The following ZNF140 variants were observed in gnomAD, a reference collection of about 807,000 sequenced individuals.
The protein encoded by ZNF140 is zinc finger protein 140 (clone pHZ-39).
Under a neutral mutation model 12.9 loss-of-function variants are expected in ZNF140, and 13 were observed. The ratio of observed to expected loss-of-function variants is 1.01; its 90% confidence interval spans 0.66 to 1.60. ZNF140 has a LOEUF of 1.60. Among genes scored for constraint, ZNF140 ranks in the 40% most tolerant of loss-of-function variants. The pLI is 0.00. For missense variants in ZNF140, 531 were observed against 548.8 expected (o/e 0.97, Z 0.32); for synonymous variants, 214 against 186.7 (o/e 1.15, Z -1.19).
intron 4 of ZNF140, among the ~76,000 whole-genome samples, chr12:133,094,508 G>A (rs1317095279): frequency 6.6e-6 from 1 of 151,126 alleles, no homozygotes; most frequent in Admixed American, 6.6e-5. Flanking sequence ...CAGTTAGCAT[G>A]CACCATCTGC....
At chr12:133,102,736 G>A (rs1014100709) in intron 4 of ZNF140, among the ~76,000 whole-genome samples, 9 of 145,580 alleles carry the variant, frequency 6.2e-5, no homozygotes, top group Admixed American at 2.1e-4. Context: ...GTGACAGAGC[G>A]AGACTCCGTT....
In ZNF140 at chr12:133,106,828, G is replaced by A. The variant is rs896082328; in HGVS notation, c.*177G>A. On this transcript the variant is annotated 3_prime_UTR_variant, in exon 5 of 5. Transcript: ENST00000355557. ...AAAAAACCCAGGAATATGTGGAAAA[G>A]CCATTAATAACCACTCTTTTATTTT... The A allele has an allele frequency of 4.6e-5, 23 of 495,794 alleles. No homozygotes were observed. In the Admixed American group the frequency reaches 8.8e-4, roughly 19 times the overall value. 30.7% of individuals were successfully genotyped at this position (495,794 alleles called of 1,614,324 possible).
At chr12:133,096,094 C>G (rs1383069513) in intron 4 of ZNF140, among the ~76,000 whole-genome samples, 1 of 151,444 alleles carries the variant, frequency 6.6e-6, no homozygotes, top group Non-Finnish European at 1.5e-5. Context: ...TCCCACGAGG[C>G]CATATTTCAG....
chr12:133,088,889 C>T (rs1212624777), intron 4 of ZNF140, among the ~76,000 whole-genome samples: 2 of 152,122 alleles, frequency 1.3e-5, no homozygotes, highest in African/African-American at 4.8e-5. Flanking sequence ...GTTGAACCAG[C>T]CCTGTATACC....
intron 4 of ZNF140, among the ~76,000 whole-genome samples, chr12:133,100,175 T>TG (rs1404470300): frequency 7.2e-5 from 10 of 138,724 alleles, no homozygotes; most frequent in Non-Finnish European, 1.1e-4. Context: ...TTTTTTTTTT[T>TG]TTTTTTTTTT....
At position 133,081,348 on chromosome 12, in the gene ZNF140, AATATAT is replaced by A. The variant is rs368640870; in HGVS notation, c.9+37_9+42del. 122 of 318,812 alleles carry A rather than the reference AATATAT, an allele frequency of 3.8e-4. 9 individuals carry two copies. The highest frequency in any genetic ancestry group is 1.1e-3 in the Middle Eastern group (1 of 888). 19.7% of individuals were successfully genotyped at this position (318,812 alleles called of 1,614,324 possible). ...GTCTCAGGTAAGCTAATGATTGATAAATATATATATATATATATATATAAATTTTTA... is the reference window on the plus strand; with the variant it reads ...GTCTCAGGTAAGCTAATGATTGATAAATATATATATATATATAAATTTTTA... On this transcript the variant is annotated intron_variant, in intron 2 of 4. Transcript: ENST00000355557.
chr12:133,093,574 T>C lies in ZNF140; in HGVS notation c.232+10013T>C, dbSNP rs1954968695. ...CAAGCAAAATCTCTCCCCCATGTTATCACCTTCCCTATTTCCCATGTTTTA... is the reference window on the plus strand; with the variant it reads ...CAAGCAAAATCTCTCCCCCATGTTACCACCTTCCCTATTTCCCATGTTTTA... On this transcript the variant is annotated intron_variant, in intron 4 of 4. Transcript: ENST00000355557. 20 of 666,266 alleles carry C rather than the reference T, an allele frequency of 3.0e-5. 3 individuals carry two copies. Among genetic ancestry groups the C allele is most frequent in the Non-Finnish European group, 4.9e-5 (18 of 365,878 alleles). 41.3% of individuals were successfully genotyped at this position (666,266 alleles called of 1,614,324 possible). A position where few individuals can be genotyped will look rare whatever the true frequency, so the allele number is the denominator to read the frequency against.
In ZNF140 at chr12:133,083,554, G is replaced by C. The variant is rs1593740695; in HGVS notation, c.225G>C (p.Leu75=). 1 of 1,613,334 alleles carries C rather than the reference G, an allele frequency of 6.2e-7. No individual in the cohort carries two copies. The highest frequency in any genetic ancestry group is 8.5e-7 in the Non-Finnish European group (1 of 1,179,800). The change falls in exon 4 of 5, where the codon CTG becomes CTC. Residue 75 remains leucine (L), a synonymous_variant. Transcript: ENST00000355557. ...WLGKREVKRD[L]FSVSESSGEI... is the part of the protein sequence containing the mutation. Reference sequence around the variant, plus strand: ...GGAAAAGGGAAGTGAAAAGAGATCTGTTTTCAGGTGAGTGAGTTGGAAGCT... The same window carrying C: ...GGAAAAGGGAAGTGAAAAGAGATCTCTTTTCAGGTGAGTGAGTTGGAAGCT...
intron 4 of ZNF140, among the ~76,000 whole-genome samples, chr12:133,092,215 A>C (rs1954916070): frequency 1.3e-5 from 2 of 151,138 alleles, no homozygotes; most frequent in African/African-American, 2.5e-5. Context: ...TTTTAGATTT[A>C]GTTAGAACTC....
Position 133,106,072 on chromosome 12 carries a change from A to C in ZNF140, c.795A>C (p.Arg265Ser), listed in dbSNP as rs867126796. Reference protein sequence around the residue: ...SRASNLTRHQRIHIGKKQYIC... With the variant: ...SRASNLTRHQSIHIGKKQYIC... ...CCTCCAACCTCACTCGACATCAAAG[A>C]ATTCACATAGGAAAGAAACAATATA... The change falls in exon 5 of 5, where the codon AGA becomes AGC. Residue 265 changes from arginine to serine, a missense_variant. By Grantham distance (110) the Arg-to-Ser change is moderately radical. Transcript: ENST00000355557. The C allele has an allele frequency of 6.2e-7, 1 of 1,614,034 alleles. No homozygotes were observed. The highest frequency in any genetic ancestry group is 1.3e-5 in the African/African-American group (1 of 74,926).
At chr12:133,085,480 C>A (rs1410064710) in intron 4 of ZNF140, among the ~76,000 whole-genome samples, 1 of 152,134 alleles carries the variant, frequency 6.6e-6, no homozygotes, top group Non-Finnish European at 1.5e-5. Context: ...CAAACAGTCA[C>A]GTGACCAAGG....
chr12:133,083,244 T>A lies in ZNF140; in HGVS notation c.136+15T>A. ...GGTCTCACTGGGTAAGTATTCTTCT[T>A]CATCTCCCTCAAGGCAAAATTTGAC... On this transcript the variant is annotated intron_variant, in intron 3 of 4. Transcript: ENST00000355557. The A allele has an allele frequency of 6.2e-7, 1 of 1,602,288 alleles. No homozygotes were observed.
chr12:133,097,940 A>C (rs1156399627), intron 4 of ZNF140, among the ~76,000 whole-genome samples: 1 of 151,466 alleles, frequency 6.6e-6, no homozygotes, highest in Non-Finnish European at 1.5e-5. Flanking sequence ...GGGTTCAAGC[A>C]ATTCTGCCTC....
At chr12:133,083,258 GCAAAATTTGA>G in intron 3 of ZNF140, 29 bp downstream of exon 3, 1 of 1,597,912 alleles carries the variant, frequency 6.3e-7, no homozygotes, top group South Asian at 1.1e-5. Flanking sequence ...CTCCCTCAAG[GCAAAATTTGA>G]CCGTTAGGGT....
intron 4 of ZNF140, among the ~76,000 whole-genome samples, chr12:133,092,742 A>G (rs1954936088): frequency 6.6e-6 from 1 of 151,254 alleles, no homozygotes; most frequent in Non-Finnish European, 1.5e-5. Context: ...TTAGTGGGCC[A>G]GAGAGATGGA....
In ZNF140 at chr12:133,106,811, C is replaced by G. The variant is rs1001776451; in HGVS notation, c.*160C>G. Reference sequence around the variant, plus strand: ...TCACCACCCTGGAGAAAAAAAAACCCAGGAATATGTGGAAAAGCCATTAAT... The same window carrying G: ...TCACCACCCTGGAGAAAAAAAAACCGAGGAATATGTGGAAAAGCCATTAAT... On this transcript the variant is annotated 3_prime_UTR_variant, in exon 5 of 5. Coordinates refer to ENST00000355557, the MANE Select transcript of ZNF140 (RefSeq NM_003440.4). 3 of 575,094 alleles carry G rather than the reference C, an allele frequency of 5.2e-6. No homozygotes were observed. The highest frequency in any genetic ancestry group is 8.3e-6 in the Non-Finnish European group (3 of 362,952). 35.6% of individuals were successfully genotyped at this position (575,094 alleles called of 1,614,324 possible). A position where few individuals can be genotyped will look rare whatever the true frequency, so the allele number is the denominator to read the frequency against.
At chr12:133,088,080 A>G (rs1277571881) in intron 4 of ZNF140, among the ~76,000 whole-genome samples, 1 of 151,642 alleles carries the variant, frequency 6.6e-6, no homozygotes, top group Non-Finnish European at 1.5e-5. Flanking sequence ...CAGTAAGTTG[A>G]GATCATGCCA....
chr12:133,090,424 T>C (rs980379295), intron 4 of ZNF140, among the ~76,000 whole-genome samples: 9 of 152,232 alleles, frequency 5.9e-5, no homozygotes, highest in African/African-American at 2.2e-4. Context: ...ATTACAGGTG[T>C]GAGCCACTGC....
chr12:133,101,176 C>G (rs1955332475), intron 4 of ZNF140: 1 of 247,830 alleles, frequency 4.0e-6, no homozygotes, highest in Non-Finnish European at 8.2e-6. Context: ...GCTTGGTGTT[C>G]TCTGTGTTTC....
Sources: gnomAD v4.1 joint callset for allele counts (sites outside exome capture counted in the v4.1 genomes callset) on GRCh38, gnomAD v4.1.1 for gene constraint, MANE v1.5 for transcripts, NCBI Gene and HGNC (gene_info 2026-07-23, HGNC 2026-07-21) for gene names.